Variants in UBA6 observed in about 807,000 individuals in gnomAD.
The protein encoded by UBA6 is ubiquitin like modifier activating enzyme 6.
In UBA6, 87 loss-of-function variants were observed where a neutral mutation model predicts 148.3. The observed-to-expected ratio is 0.59, with a 90% CI of 0.49 to 0.70. UBA6 has a LOEUF of 0.70. Ranked by LOEUF, UBA6 falls within the 30% of genes least tolerant of loss-of-function variation. The pLI is 0.00. For synonymous variants in UBA6, 376 were observed against 401.0 expected (o/e 0.94, Z 0.75); for missense variants, 1,186 against 1,241.2 (o/e 0.96, Z 0.67).
intron 29 of UBA6, 111 bp from the exon 30 acceptor site, chr4:67,624,364 G>A (rs1416490637): frequency 1.5e-5 from 14 of 949,174 alleles, no homozygotes; most frequent in Admixed American, 1.4e-4. Flanking sequence ...GATAGTAAAA[G>A]CAGCTATGGG....
chr4:67,677,539 T>C, intron 6 of UBA6, 72 bp downstream of exon 6: 1 of 723,188 alleles, frequency 1.4e-6, no homozygotes, highest in Non-Finnish European at 2.3e-6. Flanking sequence ...TTAAATTAGT[T>C]AAACATATTA....
intron 2 of UBA6, among the ~76,000 whole-genome samples, chr4:67,685,088 GA>G (rs1358132451): frequency 1.3e-5 from 2 of 151,886 alleles, no homozygotes; most frequent in African/African-American, 4.8e-5. Context: ...ATGAGAGAGA[GA>G]AAAAAACAAC....
chr4:67,618,809 C>G lies in UBA6; in HGVS notation c.*188G>C. The G allele has an allele frequency of 3.8e-6, 2 of 524,028 alleles. No homozygotes were observed. The highest frequency in any genetic ancestry group is 6.5e-6 in the Non-Finnish European group (2 of 308,542). 32.5% of individuals were successfully genotyped at this position (524,028 alleles called of 1,614,324 possible). ...TCATAGCCACGTGTGAACCGTTAGA[C>G]AAGTGTATGCTATGCCCCAAAATGT... On this transcript the variant is annotated 3_prime_UTR_variant, in exon 33 of 33. Transcript: ENST00000322244.
At chr4:67,698,847 C>T (rs1163953601) in intron 1 of UBA6, among the ~76,000 whole-genome samples, 1 of 151,990 alleles carries the variant, frequency 6.6e-6, no homozygotes, top group East Asian at 1.9e-4. Flanking sequence ...GTATTCCCAG[C>T]TACTTGGGAG....
rs967515038 is a variant in UBA6, at chr4:67,665,040, C to T, written c.897+149G>A. The T allele has an allele frequency of 2.4e-5, 12 of 509,572 alleles. No homozygotes were observed. The South Asian group carries it at 4.5e-4, about 19-fold the overall frequency. The allele number at this position is 509,572 out of a possible 1,614,324, so 31.6% of individuals were successfully genotyped here. ...TTATTTCATTAGATTAATTCCATTT[C>T]CCTCAAAGTGGGTACAAACAAAAAA... On this transcript the variant is annotated intron_variant, in intron 10 of 32. Transcript: ENST00000322244.
intron 7 of UBA6, among the ~76,000 whole-genome samples, chr4:67,671,316 C>T (rs1050244879): frequency 1.2e-4 from 18 of 151,994 alleles, no homozygotes; most frequent in Non-Finnish European, 1.9e-4. Context: ...ATTGATATTA[C>T]GGTATAAGAA....
intron 1 of UBA6, among the ~76,000 whole-genome samples, chr4:67,700,162 GT>G (rs1309155954): frequency 2.6e-5 from 4 of 152,176 alleles, no homozygotes; most frequent in African/African-American, 9.7e-5. Context: ...TAAGGCGCGG[GT>G]TATATTACAT....
intron 20 of UBA6, 101 bp downstream of exon 20, chr4:67,635,352 G>A (rs923367684): frequency 2.4e-5 from 17 of 694,062 alleles, no homozygotes; most frequent in African/African-American, 1.8e-4. Context: ...CATTGGCAGA[G>A]CAAAATCAGA....
chr4:67,696,104 TAA>T (rs1433264468), intron 2 of UBA6, among the ~76,000 whole-genome samples: 1 of 152,092 alleles, frequency 6.6e-6, no homozygotes, highest in African/African-American at 2.4e-5. Flanking sequence ...CCACTGTCTA[TAA>T]ATTACAGAAC....
In UBA6 at chr4:67,671,576, T is replaced by A. The variant is rs1414943063; in HGVS notation, c.547-984A>T. Among the ~76,000 whole-genome samples, 3 of 152,196 alleles carry A rather than the reference T, an allele frequency of 2.0e-5. No individual in the cohort carries two copies. The East Asian group carries it at 5.8e-4, about 29-fold the overall frequency. On this transcript the variant is annotated intron_variant, in intron 7 of 32. Transcript: ENST00000322244. ...TTGTGTAGTTATTTTGTAATACTGCTGTGCCCTATTGTAAGTTCAGTGGCT... is the reference window on the plus strand; with the variant it reads ...TTGTGTAGTTATTTTGTAATACTGCAGTGCCCTATTGTAAGTTCAGTGGCT...
At chr4:67,634,028 T>C (rs957618750) in intron 22 of UBA6, among the ~76,000 whole-genome samples, 2 of 152,126 alleles carry the variant, frequency 1.3e-5, no homozygotes, top group Non-Finnish European at 2.9e-5. Flanking sequence ...TGCTGTTTTG[T>C]GAGTCGAACA....
chr4:67,653,639 T>C (rs556241220), intron 13 of UBA6, among the ~76,000 whole-genome samples: 11 of 152,238 alleles, frequency 7.2e-5, no homozygotes, highest in East Asian at 3.9e-4. Context: ...CTCCAAAGGA[T>C]TGGAGATCCT....
At chr4:67,635,019 A>AT (rs1382593744) in intron 20 of UBA6, among the ~76,000 whole-genome samples, 4 of 152,040 alleles carry the variant, frequency 2.6e-5, no homozygotes, top group Non-Finnish European at 5.9e-5. Context: ...TTTTTTGTGG[A>AT]TAAAGTACCA....
At chr4:67,699,649 G>A (rs1730925428) in intron 1 of UBA6, among the ~76,000 whole-genome samples, 1 of 152,006 alleles carries the variant, frequency 6.6e-6, no homozygotes, top group Admixed American at 6.6e-5. Context: ...CACCCAGACT[G>A]GAGTGCAGTG....
At chr4:67,695,233 G>A (rs116489758) in intron 2 of UBA6, among the ~76,000 whole-genome samples, 5 of 152,260 alleles carry the variant, frequency 3.3e-5, no homozygotes, top group Non-Finnish European at 4.4e-5. Flanking sequence ...GAATCCCAAC[G>A]TAAGAGTCCC....
intron 4 of UBA6, among the ~76,000 whole-genome samples, chr4:67,679,066 T>C (rs1207378592): frequency 6.6e-6 from 1 of 152,078 alleles, no homozygotes; most frequent in African/African-American, 2.4e-5. Flanking sequence ...TGTATAATCA[T>C]GCAACTATTA....
intron 5 of UBA6, 94 bp from the exon 6 acceptor site, chr4:67,677,816 A>T: frequency 1.7e-6 from 1 of 580,048 alleles, no homozygotes; most frequent in Non-Finnish European, 2.9e-6. Context: ...GGAACCTGAC[A>T]TGTTACAAAA....
chr4:67,678,782 G>A (rs767731802), intron 4 of UBA6, among the ~76,000 whole-genome samples: 5 of 152,160 alleles, frequency 3.3e-5, no homozygotes, highest in Non-Finnish European at 7.4e-5. Context: ...TGAGGTGAAT[G>A]AGCGACTCTC....
chr4:67,646,818 T>A, intron 14 of UBA6, 27 bp from the exon 15 acceptor site: 1 of 1,485,130 alleles, frequency 6.7e-7, no homozygotes, highest in Non-Finnish European at 9.2e-7. Context: ...AAAAACACAA[T>A]TATTATGTAT....
Sources: gnomAD v4.1 joint callset for allele counts (sites outside exome capture counted in the v4.1 genomes callset) on GRCh38, gnomAD v4.1.1 for gene constraint, MANE v1.5 for transcripts, NCBI Gene and HGNC (gene_info 2026-07-23, HGNC 2026-07-21) for gene names.